Variants in CPNE3 observed in about 807,000 individuals in gnomAD.
The protein encoded by CPNE3 is copine 3, also known as copine-3.
A neutral mutation model predicts 63.9 loss-of-function variants in CPNE3; 68 were observed. The ratio of observed to expected loss-of-function variants is 1.06; its 90% confidence interval spans 0.87 to 1.30. The LOEUF is 1.30. Ranked by LOEUF, CPNE3 falls within the 50% of genes most tolerant of loss-of-function variation. The pLI is 0.00. For missense variants in CPNE3, 665 were observed against 578.1 expected, an observed-to-expected ratio of 1.15 and a Z score of -1.54; for synonymous variants, 219 against 197.5, an observed-to-expected ratio of 1.11 and a Z score of -0.91.
intron 4 of CPNE3, among the ~76,000 whole-genome samples, chr8:86,529,723 C>T (rs1193754238): frequency 6.6e-6 from 1 of 152,122 alleles, no homozygotes; most frequent in Non-Finnish European, 1.5e-5. Context: ...TGTCTCATGG[C>T]TCCCCATTTT....
intron 14 of CPNE3, among the ~76,000 whole-genome samples, chr8:86,552,972 C>CCCCCCCCCCCA (rs1554602826): frequency 5.3e-5 from 1 of 18,932 alleles, no homozygotes; most frequent in Non-Finnish European, 2.0e-4. Context: ...GCCCCCCCCC[C>CCCCCCCCCCCA]CCCCCCGCCC....
At chr8:86,532,426 T>A in intron 5 of CPNE3, 83 bp from the exon 6 acceptor site, 1 of 936,764 alleles carries the variant, frequency 1.1e-6, no homozygotes, top group Non-Finnish European at 1.6e-6. Context: ...GGCTTTATAT[T>A]AGATAACAGA....
chr8:86,547,913 G>A (rs963349542), intron 11 of CPNE3, 143 bp downstream of exon 11: 1 of 598,206 alleles, frequency 1.7e-6, no homozygotes, highest in African/African-American at 1.9e-5. Context: ...CAGGTTGTCT[G>A]GGCTCATCAT....
At chr8:86,527,820 A>G (rs904471594) in intron 2 of CPNE3, among the ~76,000 whole-genome samples, 2 of 151,990 alleles carry the variant, frequency 1.3e-5, no homozygotes, top group African/African-American at 4.8e-5. Context: ...GTCTTGTTAA[A>G]TAAACAAATA....
In CPNE3 at chr8:86,544,955, TAATGCTCCGA is replaced by T. The variant is rs1586844145; in HGVS notation, c.732+122_732+131del. ...TACTATGCTTTTAGTCTATATTGCA[TAATGCTCCGA>T]AATGTTTAGTAATCACATAATCCAC... On this transcript the variant is annotated intron_variant, in intron 9 of 16. Transcript: ENST00000517490. The T allele has an allele frequency of 1.5e-5, 7 of 482,636 alleles. No homozygotes were observed. The East Asian group carries it at 2.0e-4, about 14-fold the overall frequency. The allele number at this position is 482,636 out of a possible 1,614,324, so 29.9% of individuals were successfully genotyped here.
chr8:86,537,881 C>T (rs1179290260), intron 7 of CPNE3, among the ~76,000 whole-genome samples: 1 of 151,986 alleles, frequency 6.6e-6, no homozygotes, highest in African/African-American at 2.4e-5. Flanking sequence ...ATGTATTCCT[C>T]TGCACCCCTC....
chr8:86,555,029 G>T (rs1821290524), intron 15 of CPNE3, 45 bp downstream of exon 15: 4 of 1,609,846 alleles, frequency 2.5e-6, no homozygotes, highest in Non-Finnish European at 3.4e-6. Flanking sequence ...TGGATTGGTA[G>T]CAGCTCCTGG....
At chr8:86,518,459 A>G (rs1009116194) in intron 2 of CPNE3, among the ~76,000 whole-genome samples, 5 of 152,174 alleles carry the variant, frequency 3.3e-5, no homozygotes, top group Non-Finnish European at 7.4e-5. Context: ...AAACTTTTCA[A>G]CTGAACACTT....
At position 86,527,946 on chromosome 8, in the gene CPNE3, A is replaced by ATTTTTTTTTTTTTTTTTTTTTTTTTTT. The variant is rs869225401; in HGVS notation, c.-10-565_-10-564insTTTTTTTTTTTTTTTTTTTTTTTTTTT. Reference sequence around the variant, plus strand: ...AAATTTATAGTTAAGGTAAAAAGAAATTTTTTTTTTTTTTTTTTTTTTTTT... The same window carrying ATTTTTTTTTTTTTTTTTTTTTTTTTTT: ...AAATTTATAGTTAAGGTAAAAAGAAATTTTTTTTTTTTTTTTTTTTTTTTTTTTTTTTTTTTTTTTTTTTTTTTTTTT... On this transcript the variant is annotated intron_variant, in intron 2 of 16. Coordinates refer to ENST00000517490, the MANE Select transcript of CPNE3 (RefSeq NM_003909.5). 3.1e-4 allele frequency among the ~76,000 whole-genome samples: 27 copies of ATTTTTTTTTTTTTTTTTTTTTTTTTTT among 85,966 alleles called. 4 individuals are homozygous for ATTTTTTTTTTTTTTTTTTTTTTTTTTT. The highest frequency in any genetic ancestry group is 1.4e-3 in the African/African-American group (25 of 17,650). The allele number at this position is 85,966 out of a possible 152,430, so 56.4% of individuals were successfully genotyped here.
At chr8:86,534,654 C>CA (rs1460968018) in intron 6 of CPNE3, among the ~76,000 whole-genome samples, 1 of 151,462 alleles carries the variant, frequency 6.6e-6, no homozygotes, top group Non-Finnish European at 1.5e-5. Context: ...GGCTCCGTCT[C>CA]AAAAAAAGAA....
intron 8 of CPNE3, among the ~76,000 whole-genome samples, chr8:86,544,392 T>G (rs971109938): frequency 2.0e-5 from 3 of 152,156 alleles, no homozygotes; most frequent in African/African-American, 7.2e-5. Context: ...GGCAAAGAAG[T>G]GGATGAGAAA....
intron 14 of CPNE3, among the ~76,000 whole-genome samples, chr8:86,553,070 G>A (rs1273924554): frequency 1.3e-5 from 2 of 148,996 alleles, no homozygotes; most frequent in African/African-American, 4.9e-5. Flanking sequence ...CACCATGTTG[G>A]CCAGGCTGGT....
chr8:86,540,518 T>C (rs1400403473), intron 8 of CPNE3, among the ~76,000 whole-genome samples, 184 bp downstream of exon 8: 1 of 152,086 alleles, frequency 6.6e-6, no homozygotes, highest in Admixed American at 6.5e-5. Flanking sequence ...GTTTGAGGAG[T>C]AGGCATGTTT....
chr8:86,523,963 A>G (rs1820486931), intron 2 of CPNE3, among the ~76,000 whole-genome samples: 1 of 152,236 alleles, frequency 6.6e-6, no homozygotes, highest in Non-Finnish European at 1.5e-5. Context: ...TGGCAGAGCC[A>G]TGAATTCCAG....
intron 12 of CPNE3, 127 bp downstream of exon 12, chr8:86,548,561 C>T (rs898976355): frequency 1.6e-5 from 18 of 1,153,268 alleles, no homozygotes; most frequent in African/African-American, 7.8e-5. Flanking sequence ...AAAATCCCCC[C>T]GTCTTATCTT....
At position 86,515,834 on chromosome 8, in the gene CPNE3, G is replaced by A. The variant is rs529981201; in HGVS notation, c.-11+335G>A. Among the ~76,000 whole-genome samples, 39 of 152,316 alleles carry A rather than the reference G, an allele frequency of 2.6e-4. 1 individual carries two copies. The highest frequency in any genetic ancestry group is 1.6e-3 in the Admixed American group (25 of 15,300). Reference sequence around the variant, plus strand: ...ATCCTGATGTCATTAATAAGGGTCAGCAAACTAGCTCTCTGTGTGTGCTGC... The same window carrying A: ...ATCCTGATGTCATTAATAAGGGTCAACAAACTAGCTCTCTGTGTGTGCTGC... On this transcript the variant is annotated intron_variant, in intron 2 of 16. Coordinates refer to ENST00000517490, the MANE Select transcript of CPNE3 (RefSeq NM_003909.5).
At chr8:86,555,978 G>A (rs1821315663) in intron 15 of CPNE3, 124 bp from the exon 16 acceptor site, 1 of 687,698 alleles carries the variant, frequency 1.5e-6, no homozygotes. Flanking sequence ...TATTTTATGT[G>A]GTGGTAGCTA....
intron 2 of CPNE3, among the ~76,000 whole-genome samples, chr8:86,526,875 TAG>T (rs763428589): frequency 2.3e-4 from 35 of 152,234 alleles, no homozygotes; most frequent in Non-Finnish European, 8.8e-5. Context: ...TCATTTTTCT[TAG>T]TCTCTATTTA....
intron 2 of CPNE3, among the ~76,000 whole-genome samples, chr8:86,516,932 C>G (rs918135675): frequency 6.6e-6 from 1 of 152,228 alleles, no homozygotes; most frequent in Non-Finnish European, 1.5e-5. Context: ...AATGCCACCA[C>G]TGCTCACCAA....
Sources: allele counts gnomAD v4.1 joint callset (sites outside exome capture counted in the v4.1 genomes callset), GRCh38; gene constraint gnomAD v4.1.1; transcripts MANE v1.5; gene names NCBI Gene and HGNC (gene_info 2026-07-23, HGNC 2026-07-21).